Variants in BANP observed in about 807,000 individuals in gnomAD.
The protein encoded by BANP is BTG3 associated nuclear protein.
A neutral mutation model predicts 68.1 loss-of-function variants in BANP; 11 were observed. The ratio of observed to expected loss-of-function variants is 0.16; its 90% CI spans 0.10 to 0.27. The LOEUF (loss-of-function observed/expected upper bound fraction) is 0.27, where lower values mean the gene tolerates loss of function less well. Among genes scored for constraint, BANP ranks in the 10% least tolerant of loss-of-function variants. The pLI is 1.00. For synonymous variants in BANP, 329 were observed against 303.2 expected, an observed-to-expected ratio of 1.09 and a Z score of -0.88; for missense variants, 504 against 722.7, an observed-to-expected ratio of 0.70 and a Z score of 3.47.
intron 1 of BANP, among the ~76,000 whole-genome samples, chr16:87,960,782 G>A (rs894402740): frequency 6.6e-6 from 1 of 152,186 alleles, no homozygotes; most frequent in East Asian, 1.9e-4. Context: ...TCTTTTCATG[G>A]AACACTATAA....
intron 6 of BANP, among the ~76,000 whole-genome samples, chr16:88,009,133 C>G (rs552231562): frequency 3.3e-5 from 5 of 152,332 alleles, no homozygotes; most frequent in African/African-American, 1.2e-4. Context: ...TAGTGGCGTC[C>G]TCTCTTCAGC....
intron 8 of BANP, 82 bp downstream of exon 8, chr16:88,027,732 G>T (rs549693952): frequency 3.8e-5 from 58 of 1,516,860 alleles, no homozygotes; most frequent in Non-Finnish European, 3.6e-6. Flanking sequence ...CAGCCAGTGC[G>T]TGGCCAGCGG....
At chr16:88,017,892 T>C (rs1172011090) in intron 6 of BANP, among the ~76,000 whole-genome samples, 3 of 152,170 alleles carry the variant, frequency 2.0e-5, no homozygotes, top group East Asian at 1.9e-4. Context: ...GTCAAGGGCA[T>C]GCTGTGACTT....
intron 5 of BANP, among the ~76,000 whole-genome samples, 190 bp from the exon 6 acceptor site, chr16:88,005,900 G>T (rs1192051358): frequency 1.3e-5 from 2 of 152,222 alleles, no homozygotes; most frequent in African/African-American, 4.8e-5. Context: ...ATTTTATACA[G>T]TTTCTTTCAG....
At chr16:87,976,390 C>A (rs377458222) in intron 2 of BANP, among the ~76,000 whole-genome samples, 24 of 151,804 alleles carry the variant, frequency 1.6e-4, no homozygotes, top group Middle Eastern at 3.2e-3. Flanking sequence ...TTAAAGGAGA[C>A]CCTTGAGAAA....
intron 2 of BANP, chr16:87,978,644 A>T (rs779690857): frequency 4.3e-6 from 2 of 470,060 alleles, no homozygotes; most frequent in South Asian, 3.1e-5. Flanking sequence ...CGTGTGCTGT[A>T]CTCAAGGGAC....
At position 88,064,954 on chromosome 16, in the gene BANP, A is replaced by G. The variant is rs117670488; in HGVS notation, c.1312-313A>G. Among the ~76,000 whole-genome samples the G allele has an allele frequency of 0.043, 6,614 of 152,300 alleles. 214 individuals are homozygous for G. Among genetic ancestry groups the G allele is most frequent in the Admixed American group, 0.078 (1,191 of 15,306 alleles). ...CTCCAATTTTGTTTTGGCTTTTAAA[A>G]ACTCCTACAGTACAAACTCTTTCTA... is the stretch of plus-strand genomic sequence containing the variant. On this transcript the variant is annotated intron_variant, in intron 11 of 13. Coordinates refer to ENST00000682872, the MANE Select transcript of BANP (RefSeq NM_001386991.1). The surrounding 1 kb of genome is among the most constrained non-coding windows in gnomAD (Gnocchi z 4.5).
intron 2 of BANP, among the ~76,000 whole-genome samples, chr16:87,977,879 A>C (rs747955356): frequency 1.1e-4 from 16 of 152,084 alleles, no homozygotes; most frequent in Non-Finnish European, 1.8e-4. Flanking sequence ...CTCTGTTGCC[A>C]GGCTGGAGTG....
intron 8 of BANP, among the ~76,000 whole-genome samples, chr16:88,031,150 C>T (rs962449662): frequency 5.3e-5 from 8 of 152,324 alleles, no homozygotes; most frequent in Non-Finnish European, 8.8e-5. Context: ...CCGTGGAGCA[C>T]GCAGCACTGC....
rs1485752766 is a variant in BANP, at chr16:88,018,025, T to C, written c.656-403T>C. Reference sequence around the variant, plus strand: ...GGAGTGGCTGGCCAGTGGGAGAGCATGGCTGGCAGTGAGGTGTGAGGGACC... The same window carrying C: ...GGAGTGGCTGGCCAGTGGGAGAGCACGGCTGGCAGTGAGGTGTGAGGGACC... On this transcript the variant is annotated intron_variant, in intron 6 of 13. Transcript: ENST00000682872. The surrounding 1 kb of genome is among the most constrained non-coding windows in gnomAD (Gnocchi z 7.7). 6.6e-6 allele frequency among the ~76,000 whole-genome samples: 1 copy of C among 151,972 alleles called. No individual in the cohort carries two copies. The highest frequency in any genetic ancestry group is 1.5e-5 in the Non-Finnish European group (1 of 67,988).
chr16:88,053,955 C>A lies in BANP; in HGVS notation c.1312-11312C>A, dbSNP rs2084156626. On this transcript the variant is annotated intron_variant, in intron 11 of 13. Transcript: ENST00000682872. ...CCATCATCATCACCAACACAACCACCCTAACAGCCACTCCCACCTCCTTCA... is the reference window on the plus strand; with the variant it reads ...CCATCATCATCACCAACACAACCACACTAACAGCCACTCCCACCTCCTTCA... 2.1e-5 allele frequency among the ~76,000 whole-genome samples: 2 copies of A among 97,164 alleles called. 1 individual carries two copies. The highest frequency in any genetic ancestry group is 5.7e-5 in the Non-Finnish European group (2 of 35,336). The allele number at this position is 97,164 out of a possible 152,430, so 63.7% of individuals were successfully genotyped here. A position where few individuals can be genotyped will look rare whatever the true frequency, so the allele number is the denominator to read the frequency against.
At position 88,027,746 on chromosome 16, in the gene BANP, C is replaced by T. The variant is rs535123043; in HGVS notation, c.1063+96C>T. ...GCAGCCAGTGCGTGGCCAGCGGCTC[C>T]ACCAGTGGCCGGGAGCCGAGGCCAG... is the stretch of plus-strand genomic sequence containing the variant. On this transcript the variant is annotated intron_variant, in intron 8 of 13. Transcript: ENST00000682872. 4.9e-6 allele frequency: 7 copies of T among 1,442,630 alleles called. No homozygotes were observed. The South Asian group carries it at 6.0e-5, about 12-fold the overall frequency. The allele number at this position is 1,442,630 out of a possible 1,614,324, so 89.4% of individuals were successfully genotyped here.
In BANP at chr16:87,985,524, G is replaced by A. The variant is rs113445329; in HGVS notation, c.362+1265G>A. On this transcript the variant is annotated intron_variant, in intron 4 of 13. Transcript: ENST00000682872. ...TTTTAGGATAGTTTTTTGGGGTAAT[G>A]TCCTCTTACCCTAAAATGCAGTTCT... Among the ~76,000 whole-genome samples the A allele has an allele frequency of 7.2e-5, 11 of 152,018 alleles. No homozygotes were observed. In the South Asian group the frequency reaches 2.3e-3, roughly 32 times the overall value.
chr16:88,055,701 G>C (rs1043224596), intron 11 of BANP, among the ~76,000 whole-genome samples: 6 of 152,094 alleles, frequency 3.9e-5, no homozygotes, highest in African/African-American at 1.4e-4. Flanking sequence ...TGTATTTCCA[G>C]GAGGCTTTAG....
At chr16:87,996,206 C>T (rs937788557) in intron 4 of BANP, among the ~76,000 whole-genome samples, 10 of 152,142 alleles carry the variant, frequency 6.6e-5, no homozygotes, top group African/African-American at 2.4e-4. Context: ...TCTCTCGCCC[C>T]GTCATTTCCA....
At chr16:88,025,009 C>T (rs1389176550) in intron 7 of BANP, among the ~76,000 whole-genome samples, 2 of 152,186 alleles carry the variant, frequency 1.3e-5, no homozygotes, top group African/African-American at 4.8e-5. Context: ...ATTCATCCTT[C>T]AAAGTCTATG....
At chr16:87,989,669 C>T (rs1241152521) in intron 4 of BANP, among the ~76,000 whole-genome samples, 2 of 89,962 alleles carry the variant, frequency 2.2e-5, no homozygotes, top group Admixed American at 1.2e-4. Flanking sequence ...GATGCAGGCC[C>T]GCGTGGCTGC....
intron 4 of BANP, among the ~76,000 whole-genome samples, chr16:87,996,373 C>T (rs2067209568): frequency 6.6e-6 from 1 of 152,230 alleles, no homozygotes; most frequent in Non-Finnish European, 1.5e-5. Flanking sequence ...GTTGGATGTT[C>T]TGCTGCTCTG....
intron 1 of BANP, among the ~76,000 whole-genome samples, chr16:87,967,700 C>A (rs1430513591): frequency 6.7e-6 from 1 of 149,332 alleles, no homozygotes; most frequent in Non-Finnish European, 1.5e-5. Context: ...TGGCTCATTG[C>A]AGCCTCCGCC....
Sources: gnomAD v4.1 joint callset for allele counts (sites outside exome capture counted in the v4.1 genomes callset) on GRCh38, gnomAD v4.1.1 for gene constraint, Gnocchi (gnomAD v3.1) non-coding constraint, MANE v1.5 for transcripts, NCBI Gene and HGNC (gene_info 2026-07-23, HGNC 2026-07-21) for gene names.